Variants in TACC2 observed in about 807,000 individuals in gnomAD.
The protein encoded by TACC2 is transforming acidic coiled-coil containing protein 2, also known as transforming acidic coiled-coil-containing protein 2.
TACC2 carries 137 observed loss-of-function variants against 227.3 expected under a neutral mutation model. The observed-to-expected ratio is 0.60, with a 90% CI of 0.52 to 0.69. TACC2 has a LOEUF of 0.69. TACC2 is among the 30% of genes least tolerant of loss of function. The probability of loss-of-function intolerance (pLI) is 0.00; values close to 1 mark genes in which losing one functional copy is unlikely to be tolerated. For missense variants in TACC2, 3,470 were observed against 3,694.4 expected, an observed-to-expected ratio of 0.94 and a Z score of 1.57; for synonymous variants, 1,523 against 1,487.5, an observed-to-expected ratio of 1.02 and a Z score of -0.55.
chr10:122,085,413 C>G lies in TACC2; in HGVS notation c.2913C>G (p.Asp971Glu). Residue 971 changes from aspartate to glutamate, a missense_variant, in exon 4 of 23, where the codon GAC becomes GAG. Transcript: ENST00000369005. The part of the protein sequence containing the change: ...VSPPAADVLK[D>E]FSLAGNFSRK... ...CTCCAGCAGCAGATGTCTTAAAAGA[C>G]TTTTCTCTTGCAGGGAACTTCAGCA... 6.2e-7 allele frequency: 1 copy of G among 1,613,934 alleles called. No individual in the cohort carries two copies.
chr10:122,122,858 T>C (rs2086116719), intron 5 of TACC2, among the ~76,000 whole-genome samples: 1 of 152,242 alleles, frequency 6.6e-6, no homozygotes, highest in African/African-American at 2.4e-5. Flanking sequence ...AATTCTTTTA[T>C]TGTAATTATT....
intron 5 of TACC2, among the ~76,000 whole-genome samples, chr10:122,121,957 T>C (rs10887080): frequency 0.42 from 63,166 of 152,136 alleles, 14,549 homozygotes; most frequent in South Asian, 0.6. Flanking sequence ...GGGAGGGGGA[T>C]GGCAGCATGG....
intron 1 of TACC2, among the ~76,000 whole-genome samples, chr10:121,995,441 C>T (rs921039543): frequency 2.0e-5 from 3 of 152,204 alleles, no homozygotes; most frequent in African/African-American, 4.8e-5. Context: ...AAGCCTTTAT[C>T]CCACTGACAC....
rs369646247 is a variant in TACC2 at position 122,050,597 on chromosome 10, G to T, written c.146+47G>T. 7.0e-7 allele frequency: 1 copy of T among 1,433,406 alleles called. No homozygotes were observed. Among genetic ancestry groups the T allele is most frequent in the South Asian group, 1.2e-5 (1 of 86,718 alleles). 88.8% of individuals were successfully genotyped at this position (1,433,406 alleles called of 1,614,324 possible). On this transcript the variant is annotated intron_variant, in intron 3 of 22. Coordinates refer to ENST00000369005, the MANE Select transcript of TACC2 (RefSeq NM_206862.4). This position sits in a 1 kb window ranked among gnomAD's most constrained non-coding sequence, Gnocchi z 4.6. ...ACTGATGCAGCCCAAGGACTGCCCC[G>T]CTCATTGCCTGCTCCAGCATTAGCT...
At chr10:122,155,674 G>A (rs1310852024) in intron 7 of TACC2, among the ~76,000 whole-genome samples, 2 of 151,986 alleles carry the variant, frequency 1.3e-5, no homozygotes, top group Non-Finnish European at 2.9e-5. Context: ...TGTCTGCTGT[G>A]GGCCACCCTC....
At chr10:122,025,272 A>AT (rs1219157911) in intron 2 of TACC2, among the ~76,000 whole-genome samples, 2 of 152,114 alleles carry the variant, frequency 1.3e-5, no homozygotes, top group Non-Finnish European at 2.9e-5. Context: ...TCATATATAT[A>AT]TTTTTTGAGA....
chr10:122,142,486 G>T (rs1422015067), intron 6 of TACC2, among the ~76,000 whole-genome samples: 1 of 152,226 alleles, frequency 6.6e-6, no homozygotes, highest in African/African-American at 2.4e-5. Flanking sequence ...GTACAGTGTG[G>T]GTGCCTATGG....
At chr10:122,178,286 G>T (rs183008524) in intron 7 of TACC2, among the ~76,000 whole-genome samples, 11 of 149,932 alleles carry the variant, frequency 7.3e-5, no homozygotes, top group Admixed American at 2.7e-4. Context: ...GCCTAGGCTG[G>T]AGTGCAGTGT....
intron 2 of TACC2, among the ~76,000 whole-genome samples, chr10:122,046,645 G>A (rs2075040484): frequency 6.6e-6 from 1 of 152,028 alleles, no homozygotes; most frequent in African/African-American, 2.4e-5. Context: ...TTCTTCTCCT[G>A]GACTTGGAGC....
Position 122,172,125 on chromosome 10 carries a change from A to G in TACC2, c.5835-22915A>G, listed in dbSNP as rs114981417. On this transcript the variant is annotated intron_variant, in intron 7 of 22. Transcript: ENST00000369005. ...GCCTGAGTTAAAACCATCCAAGCCT[A>G]AATGTGGAGCCCTAGAGATGAGCTA... Among the ~76,000 whole-genome samples, 274 of 152,302 alleles carry G rather than the reference A, an allele frequency of 1.8e-3. 1 individual carries two copies. The highest frequency in any genetic ancestry group is 6.0e-3 in the African/African-American group (249 of 41,572).
At chr10:122,097,317 CAG>C (rs1268115288) in intron 5 of TACC2, among the ~76,000 whole-genome samples, 1 of 151,820 alleles carries the variant, frequency 6.6e-6, no homozygotes, top group African/African-American at 2.4e-5. Context: ...GCCTGGGTGA[CAG>C]AGTGAGGTAC....
intron 16 of TACC2, among the ~76,000 whole-genome samples, chr10:122,232,769 TAGAA>T (rs1419453936): frequency 6.6e-6 from 1 of 152,164 alleles, no homozygotes; most frequent in Non-Finnish European, 1.5e-5. Context: ...CTTTTTCATA[TAGAA>T]AGATTGTTCC....
intron 7 of TACC2, among the ~76,000 whole-genome samples, chr10:122,148,073 G>A (rs998131271): frequency 1.2e-4 from 18 of 149,578 alleles, no homozygotes; most frequent in Admixed American, 2.7e-4. Flanking sequence ...AATGGAAGTC[G>A]TTATTCACCC....
intron 3 of TACC2, among the ~76,000 whole-genome samples, chr10:122,077,586 C>G (rs1398605896): frequency 1.3e-5 from 2 of 152,160 alleles, no homozygotes; most frequent in East Asian, 3.9e-4. Flanking sequence ...CAACTGAGAG[C>G]AAAGCGAAGC....
chr10:122,008,422 G>A (rs1201050338), intron 1 of TACC2, among the ~76,000 whole-genome samples: 2 of 151,258 alleles, frequency 1.3e-5, no homozygotes, highest in African/African-American at 4.9e-5. Flanking sequence ...CACCAGGCCT[G>A]GCTAATATTG....
At chr10:122,248,871 G>A in intron 20 of TACC2, 68 bp downstream of exon 20, 1 of 1,596,906 alleles carries the variant, frequency 6.3e-7, no homozygotes, top group South Asian at 1.1e-5. Context: ...AGCACTGGGA[G>A]GGGGTAGGAT....
chr10:122,085,922 C>T lies in TACC2; in HGVS notation c.3422C>T (p.Pro1141Leu). The T allele has an allele frequency of 1.9e-6, 3 of 1,613,224 alleles. No homozygotes were observed. Among genetic ancestry groups the T allele is most frequent in the Non-Finnish European group, 2.5e-6 (3 of 1,179,558 alleles). The part of the protein sequence containing the change: ...ETGGSAGAGD[P>L]GKQQAPEKPG... ...GGTGGCAGCGCTGGTGCAGGAGACCCAGGAAAGCAGCAGGCTCCGGAGAAA... is the reference window on the plus strand; with the variant it reads ...GGTGGCAGCGCTGGTGCAGGAGACCTAGGAAAGCAGCAGGCTCCGGAGAAA... The change falls in exon 4 of 23, where the codon CCA becomes CTA. Residue 1141 changes from proline (P) to leucine (L), a missense_variant. Pro to Leu is a moderately conservative substitution (Grantham distance 98). Transcript: ENST00000369005.
At chr10:122,067,374 T>C (rs1176402660) in intron 3 of TACC2, among the ~76,000 whole-genome samples, 2 of 152,170 alleles carry the variant, frequency 1.3e-5, no homozygotes, top group Non-Finnish European at 2.9e-5. Context: ...ATTCTGGCTT[T>C]CATTATTTCC....
intron 7 of TACC2, among the ~76,000 whole-genome samples, chr10:122,176,101 CTCTCTCTCTCTCTCTCTATA>C (rs1211239204): frequency 2.7e-4 from 23 of 84,130 alleles, no homozygotes; most frequent in African/African-American, 8.4e-4. Context: ...CTCTCTCTCT[CTCTCTCTCTCTCTCTCTATA>C]TATATATATA....
Sources: allele counts gnomAD v4.1 joint callset (sites outside exome capture counted in the v4.1 genomes callset), GRCh38; gene constraint gnomAD v4.1.1; non-coding constraint Gnocchi (gnomAD v3.1); transcripts MANE v1.5; gene names NCBI Gene and HGNC (gene_info 2026-07-23, HGNC 2026-07-21).